FRMPD4: variants seen among roughly 807,000 people sequenced by gnomAD.
The protein encoded by FRMPD4 is FERM and PDZ domain-containing protein 4.
In FRMPD4, 22 loss-of-function variants were observed where a neutral mutation model predicts 94.1. That is an observed-to-expected ratio of 0.23 (90% CI 0.17 to 0.33). The LOEUF is 0.33. Ranked by LOEUF, FRMPD4 falls within the 10% of genes least tolerant of loss-of-function variation. The pLI is 1.00. For synonymous variants in FRMPD4, 631 were observed against 548.6 expected (o/e 1.15, Z -2.10); for missense variants, 1,111 against 1,339.9 (o/e 0.83, Z 2.67).
intron 1 of FRMPD4, among the ~76,000 whole-genome samples, chrX:12,345,967 G>C (rs1601842118): frequency 9.1e-6 from 1 of 109,658 alleles, no homozygotes. Flanking sequence ...AAGCTTAAGA[G>C]AAATACTCTT....
At chrX:12,192,493 T>C (rs1454574681) in intron 1 of FRMPD4, among the ~76,000 whole-genome samples, 1 of 111,669 alleles carries the variant, frequency 9.0e-6, no homozygotes. Context: ...TGGAGTGAGC[T>C]CTGATGGGGT....
chrX:12,380,518 A>G (rs1000384423), intron 1 of FRMPD4, among the ~76,000 whole-genome samples: 2 of 112,176 alleles, frequency 1.8e-5, no homozygotes, highest in African/African-American at 6.5e-5. Context: ...ATTTCAGTTA[A>G]CTTGGATGAG....
chrX:12,328,935 T>A (rs921514497), intron 1 of FRMPD4, among the ~76,000 whole-genome samples: 2 of 111,930 alleles, frequency 1.8e-5, no homozygotes, highest in Non-Finnish European at 3.8e-5. Flanking sequence ...CTCTGAAGGT[T>A]TGCTGAAAAA....
chrX:12,681,109 C>G (rs1807436690), intron 5 of FRMPD4, among the ~76,000 whole-genome samples: 1 of 111,846 alleles, frequency 8.9e-6, no homozygotes, highest in Admixed American at 9.4e-5. Context: ...ACACTGAACA[C>G]ACGTGAAACA....
At chrX:12,143,591 G>A (rs1271880093) in intron 1 of FRMPD4, among the ~76,000 whole-genome samples, 2 of 110,669 alleles carry the variant, frequency 1.8e-5, no homozygotes, top group African/African-American at 6.6e-5. Flanking sequence ...TTTATCATTA[G>A]CAGCACACAT....
chrX:12,430,334 T>C (rs990030611), intron 1 of FRMPD4, among the ~76,000 whole-genome samples: 5 of 112,452 alleles, frequency 4.4e-5, no homozygotes, highest in Non-Finnish European at 3.8e-5. Flanking sequence ...GACACACATC[T>C]GCCAAGTTTC....
chrX:12,713,840 T>G (rs1602364945), intron 14 of FRMPD4, among the ~76,000 whole-genome samples: 1 of 111,763 alleles, frequency 8.9e-6, no homozygotes, highest in Non-Finnish European at 1.9e-5. Context: ...TGAACACATA[T>G]TTTCTTCTCA....
chrX:11,902,154 CT>C (rs1482841640), intron 3 of FRMPD4, among the ~76,000 whole-genome samples: 1 of 112,618 alleles, frequency 8.9e-6, no homozygotes, highest in Non-Finnish European at 1.9e-5. Context: ...TTTAATGCTT[CT>C]TTTTTGCTTT....
chrX:12,645,644 C>T (rs1217466775), intron 4 of FRMPD4, among the ~76,000 whole-genome samples: 1 of 110,487 alleles, frequency 9.1e-6, no homozygotes, highest in Non-Finnish European at 1.9e-5. Flanking sequence ...CGTGAGCCAC[C>T]GCACCTGGCC....
At chrX:12,148,921 A>G (rs1380587706) in intron 1 of FRMPD4, among the ~76,000 whole-genome samples, 1 of 112,174 alleles carries the variant, frequency 8.9e-6, no homozygotes, top group Non-Finnish European at 1.9e-5. Flanking sequence ...TATTTTAAGC[A>G]CACTGTTGAG....
intron 3 of FRMPD4, among the ~76,000 whole-genome samples, chrX:12,035,393 G>A (rs1049604469): frequency 9.0e-6 from 1 of 111,575 alleles, no homozygotes; most frequent in Non-Finnish European, 1.9e-5. Flanking sequence ...GGCTGGTTTC[G>A]GTGATGGAGT....
intron 4 of FRMPD4, among the ~76,000 whole-genome samples, chrX:12,658,401 A>C (rs1323161597): frequency 8.9e-6 from 1 of 112,188 alleles, no homozygotes; most frequent in African/African-American, 3.2e-5. Flanking sequence ...AGAAGGGAAT[A>C]AATGAAGGAA....
chrX:11,944,419 T>G (rs1266708583), intron 3 of FRMPD4, among the ~76,000 whole-genome samples: 5 of 112,185 alleles, frequency 4.5e-5, no homozygotes, highest in African/African-American at 1.6e-4. Context: ...ATCTTCATTT[T>G]CCTTTCTTGT....
At chrX:12,065,579 A>G (rs2054914050) in intron 3 of FRMPD4, among the ~76,000 whole-genome samples, 1 of 111,855 alleles carries the variant, frequency 8.9e-6, no homozygotes, top group South Asian at 3.8e-4. Flanking sequence ...ATTGAATGTG[A>G]GTAGCTCTTC....
At chrX:12,335,348 G>A (rs1013891599) in intron 1 of FRMPD4, among the ~76,000 whole-genome samples, 3 of 110,750 alleles carry the variant, frequency 2.7e-5, no homozygotes, top group African/African-American at 9.9e-5. Context: ...GACTGGTCTC[G>A]AACTCCTGTA....
At chrX:12,231,383 A>G (rs1327117314) in intron 1 of FRMPD4, among the ~76,000 whole-genome samples, 1 of 109,397 alleles carries the variant, frequency 9.1e-6, no homozygotes, top group Admixed American at 1.0e-4. Flanking sequence ...ATACTTATAA[A>G]GCAGTTAACA....
intron 1 of FRMPD4, among the ~76,000 whole-genome samples, chrX:12,230,775 A>G (rs1377815061): frequency 9.8e-6 from 1 of 101,659 alleles, no homozygotes; most frequent in Non-Finnish European, 2.0e-5. Flanking sequence ...ATAGAGCTAG[A>G]GCTATTGATT....
At chrX:12,337,604 T>C (rs1185208411) in intron 1 of FRMPD4, among the ~76,000 whole-genome samples, 1 of 112,241 alleles carries the variant, frequency 8.9e-6, no homozygotes, top group Non-Finnish European at 1.9e-5. Flanking sequence ...TTGAGCTTAA[T>C]GACTGCAGAG....
At chrX:12,685,588 T>G (rs771349403) in intron 6 of FRMPD4, among the ~76,000 whole-genome samples, 1 of 108,539 alleles carries the variant, frequency 9.2e-6, no homozygotes, top group African/African-American at 3.5e-5. Context: ...TTTTTGTTTT[T>G]GTTTTGCAGT....
Sources: gnomAD v4.1 joint callset for allele counts (sites outside exome capture counted in the v4.1 genomes callset) on GRCh38, gnomAD v4.1.1 for gene constraint, MANE v1.5 for transcripts, NCBI Gene and HGNC (gene_info 2026-07-23, HGNC 2026-07-21) for gene names.